The following AFAP1 variants were observed in gnomAD, a reference collection of about 807,000 sequenced individuals.
AFAP1 encodes the protein actin filament associated protein 1, also known as actin filament-associated protein 1.
AFAP1 carries 75 observed loss-of-function variants against 93.9 expected under a neutral mutation model. The ratio of observed to expected loss-of-function variants is 0.80; its 90% CI spans 0.66 to 0.97. The LOEUF (loss-of-function observed/expected upper bound fraction) is 0.97. Ranked by LOEUF, AFAP1 falls within the 50% of genes least tolerant of loss-of-function variation. AFAP1 has a pLI of 0.00. For synonymous variants in AFAP1, 517 were observed against 430.7 expected (o/e 1.20, Z -2.48); for missense variants, 1,201 against 1,050.8 (o/e 1.14, Z -1.98).
chr4:7,811,552 G>A (rs1720040817), intron 8 of AFAP1, among the ~76,000 whole-genome samples: 1 of 152,086 alleles, frequency 6.6e-6, no homozygotes, highest in African/African-American at 2.4e-5. Flanking sequence ...ACACGCTAGG[G>A]CGGCAGAACA....
chr4:7,852,338 T>C (rs1714533406), intron 4 of AFAP1, among the ~76,000 whole-genome samples: 1 of 152,022 alleles, frequency 6.6e-6, no homozygotes, highest in African/African-American at 2.4e-5. Context: ...TGGCAATGGT[T>C]TCATTAAACT....
At chr4:7,801,254 G>A (rs1323330744) in intron 9 of AFAP1, among the ~76,000 whole-genome samples, 1 of 152,230 alleles carries the variant, frequency 6.6e-6, no homozygotes, top group Non-Finnish European at 1.5e-5. Context: ...GGACGCACCT[G>A]CCGCCTTCCT....
chr4:7,939,581 C>G lies in AFAP1; in HGVS notation c.-3+75G>C, dbSNP rs1233241357. ...ACGGACCCCGGACCCTGCGGAGCCC[C>G]GCTCGGAGCTTCCACGCCCGGGGCA... On this transcript the variant is annotated intron_variant, in intron 1 of 17. Transcript: ENST00000420658. This position sits in a 1 kb window ranked among gnomAD's most constrained non-coding sequence, Gnocchi z 5.6. The G allele has an allele frequency of 5.1e-6, 2 of 390,782 alleles. No individual in the cohort carries two copies. The highest frequency in any genetic ancestry group is 5.0e-6 in the Non-Finnish European group (1 of 200,048). 24.2% of individuals were successfully genotyped at this position (390,782 alleles called of 1,614,324 possible). A position where few individuals can be genotyped will look rare whatever the true frequency, so the allele number is the denominator to read the frequency against.
chr4:7,793,564 GAA>G (rs1462077306), intron 11 of AFAP1, 115 bp downstream of exon 11: 1 of 1,172,234 alleles, frequency 8.5e-7, no homozygotes. Context: ...ATGCAAAAGG[GAA>G]AGTCTTTAGT....
intron 15 of AFAP1, chr4:7,773,519 C>A (rs896586336): frequency 6.4e-6 from 1 of 155,042 alleles, no homozygotes; most frequent in African/African-American, 2.4e-5. Context: ...AAGATGCACC[C>A]ACTGGGCAGA....
At position 7,759,366 on chromosome 4, in the gene AFAP1, G is replaced by A. The variant is rs1008295137; in HGVS notation, c.*4399C>T. The A allele has an allele frequency of 7.9e-5, 12 of 152,736 alleles. No individual in the cohort carries two copies. Among genetic ancestry groups the A allele is most frequent in the African/African-American group, 2.6e-4 (11 of 41,566 alleles). The allele number at this position is 152,736 out of a possible 1,614,324, so 9.5% of individuals were successfully genotyped here. ...TCATGAACTACGGGCGAAAGGATGCGTCTGACGCCCACCACTTCCTGGGTG... is the reference window on the plus strand; with the variant it reads ...TCATGAACTACGGGCGAAAGGATGCATCTGACGCCCACCACTTCCTGGGTG... On this transcript the variant is annotated 3_prime_UTR_variant, in exon 18 of 18. Coordinates refer to ENST00000420658, the MANE Select transcript of AFAP1 (RefSeq NM_001134647.2).
At position 7,814,727 on chromosome 4, in the gene AFAP1, C is replaced by G. The variant is rs548720656; in HGVS notation, c.904+1291G>C. Among the ~76,000 whole-genome samples, 131 of 152,276 alleles carry G rather than the reference C, an allele frequency of 8.6e-4. 1 individual carries two copies. Among genetic ancestry groups the G allele is most frequent in the African/African-American group, 3.0e-3 (123 of 41,548 alleles). On this transcript the variant is annotated intron_variant, in intron 8 of 17. Coordinates refer to ENST00000420658, the MANE Select transcript of AFAP1 (RefSeq NM_001134647.2). Reference sequence around the variant, plus strand: ...TTCTGGTAAAGGATAAGAAACAGATCAGCAGCTGCCAGGGCCTCGGGTAGA... The same window carrying G: ...TTCTGGTAAAGGATAAGAAACAGATGAGCAGCTGCCAGGGCCTCGGGTAGA...
At chr4:7,854,487 T>A (rs1577298696) in intron 4 of AFAP1, among the ~76,000 whole-genome samples, 1 of 152,228 alleles carries the variant, frequency 6.6e-6, no homozygotes, top group East Asian at 1.9e-4. Flanking sequence ...CTTCCAATCA[T>A]CAAGACGGAT....
intron 6 of AFAP1, among the ~76,000 whole-genome samples, chr4:7,831,865 T>C (rs79615966): frequency 0.018 from 2,742 of 152,294 alleles, 89 homozygotes; most frequent in African/African-American, 0.063. Flanking sequence ...AATTCCATAA[T>C]TGTCGTTCCC....
rs1712609934 is a variant in AFAP1 at position 7,838,677 on chromosome 4, C to T, written c.573G>A (p.Gln191=). The change falls in exon 6 of 18, where the codon CAG becomes CAA. Residue 191 remains glutamine (Q), a synonymous_variant. Coordinates refer to ENST00000420658, the MANE Select transcript of AFAP1 (RefSeq NM_001134647.2). ...LLCYKSSKDQ[Q]PQMELPLQGC... ...CTTGGAGTGGCAGTTCCATCTGAGGCTGCTGGTCCTTGGAACTTTTATAGC... is the reference window on the plus strand; with the variant it reads ...CTTGGAGTGGCAGTTCCATCTGAGGTTGCTGGTCCTTGGAACTTTTATAGC... 5 of 1,613,980 alleles carry T rather than the reference C, an allele frequency of 3.1e-6. No homozygotes were observed. The highest frequency in any genetic ancestry group is 4.2e-6 in the Non-Finnish European group (5 of 1,180,030).
chr4:7,936,294 G>A (rs937703818), intron 1 of AFAP1, among the ~76,000 whole-genome samples: 1 of 152,166 alleles, frequency 6.6e-6, no homozygotes, highest in African/African-American at 2.4e-5. Flanking sequence ...AAATTGGAAA[G>A]GAGCTTAATA....
chr4:7,854,154 C>A (rs1304047634), intron 4 of AFAP1, among the ~76,000 whole-genome samples: 2 of 152,180 alleles, frequency 1.3e-5, no homozygotes, highest in Non-Finnish European at 2.9e-5. Flanking sequence ...AATAAAGGAA[C>A]CCAATGACGT....
chr4:7,769,015 GGAGA>G lies in AFAP1; in HGVS notation c.2254-11_2254-8del, dbSNP rs1387654356. 3.1e-6 allele frequency: 5 copies of G among 1,599,620 alleles called. No homozygotes were observed. Among genetic ancestry groups the G allele is most frequent in the Non-Finnish European group, 4.3e-6 (5 of 1,169,412 alleles). Reference sequence around the variant, plus strand: ...GGTGCCGGAACACTGGAGACTTAACGGAGAGAGAGAACCCCATGTGATGAGCGGT... The same window carrying G: ...GGTGCCGGAACACTGGAGACTTAACGGAGAGAACCCCATGTGATGAGCGGT... On this transcript the variant is annotated splice_polypyrimidine_tract_variant and splice_region_variant and intron_variant, in intron 16 of 17. Coordinates refer to ENST00000420658, the MANE Select transcript of AFAP1 (RefSeq NM_001134647.2).
chr4:7,864,319 C>G (rs928645134), intron 3 of AFAP1, among the ~76,000 whole-genome samples: 3 of 152,184 alleles, frequency 2.0e-5, no homozygotes, highest in Admixed American at 6.5e-5. Flanking sequence ...TACAGCACAC[C>G]CTCTGCCTGG....
At chr4:7,882,773 C>T (rs891410545) in intron 1 of AFAP1, among the ~76,000 whole-genome samples, 6 of 152,088 alleles carry the variant, frequency 3.9e-5, no homozygotes, top group East Asian at 3.9e-4. Flanking sequence ...GCAGGAGAAT[C>T]GCTTGAACCT....
chr4:7,933,122 G>T (rs908614586), intron 1 of AFAP1, among the ~76,000 whole-genome samples: 1 of 151,416 alleles, frequency 6.6e-6, no homozygotes, highest in African/African-American at 2.4e-5. Context: ...CCACCTCCCA[G>T]GCTGCTGTAG....
chr4:7,846,302 A>C (rs1340570966), intron 4 of AFAP1, among the ~76,000 whole-genome samples: 1 of 152,208 alleles, frequency 6.6e-6, no homozygotes, highest in East Asian at 1.9e-4. Flanking sequence ...CTTTCTGGTA[A>C]ATGTATTTTA....
At position 7,809,646 on chromosome 4, in the gene AFAP1, G is replaced by T. The variant is rs752285621; in HGVS notation, c.1022C>A (p.Thr341Asn). The change falls in exon 9 of 18, where the codon ACC becomes AAC. Residue 341 changes from threonine to asparagine, a missense_variant. By Grantham distance (65) the Thr-to-Asn change is moderately conservative. Coordinates refer to ENST00000420658, the MANE Select transcript of AFAP1 (RefSeq NM_001134647.2). Reference protein sequence around the residue: ...GKKKPSTDEQTSSAEEDVPTC... With the variant: ...GKKKPSTDEQNSSAEEDVPTC... ...GGGAACATCTTCCTCAGCTGAGGAGGTCTGCTCGTCTGTGGACGGCTTTTT... is the reference window on the plus strand; with the variant it reads ...GGGAACATCTTCCTCAGCTGAGGAGTTCTGCTCGTCTGTGGACGGCTTTTT... The T allele has an allele frequency of 3.7e-6, 6 of 1,613,774 alleles. No homozygotes were observed. The East Asian group carries it at 1.1e-4, about 30-fold the overall frequency.
At chr4:7,864,902 C>T (rs1023389281) in intron 3 of AFAP1, among the ~76,000 whole-genome samples, 218 of 152,168 alleles carry the variant, frequency 1.4e-3, no homozygotes, top group Non-Finnish European at 5.4e-4. Flanking sequence ...TGCTTGAGCA[C>T]AGGAGTTCAA....
Sources: allele counts gnomAD v4.1 joint callset (sites outside exome capture counted in the v4.1 genomes callset), GRCh38; gene constraint gnomAD v4.1.1; non-coding constraint Gnocchi (gnomAD v3.1); transcripts MANE v1.5; gene names NCBI Gene and HGNC (gene_info 2026-07-23, HGNC 2026-07-21).